The following NDUFAF2 variants were observed in gnomAD, a reference collection of about 807,000 sequenced individuals.
NDUFAF2 encodes NADH:ubiquinone oxidoreductase complex assembly factor 2.
NDUFAF2 carries 13 observed loss-of-function variants against 22.8 expected under a neutral mutation model. The ratio of observed to expected loss-of-function variants is 0.57; its 90% CI spans 0.37 to 0.91. The LOEUF is 0.91. Among genes scored for constraint, NDUFAF2 ranks in the 40% least tolerant of loss-of-function variants. NDUFAF2 has a pLI of 0.01. For missense variants in NDUFAF2, 162 were observed against 195.2 expected (o/e 0.83, Z 1.01); for synonymous variants, 53 against 64.2 (o/e 0.83, Z 0.84).
chr5:61,070,351 A>G (rs900006390), intron 1 of NDUFAF2, among the ~76,000 whole-genome samples: 1 of 152,116 alleles, frequency 6.6e-6, no homozygotes, highest in Non-Finnish European at 1.5e-5. Context: ...TCCATTCCCA[A>G]TTCATAAAAA....
intron 1 of NDUFAF2, among the ~76,000 whole-genome samples, chr5:60,991,460 C>G (rs2112585408): frequency 6.6e-6 from 1 of 152,226 alleles, no homozygotes. Flanking sequence ...ACCCTACTAC[C>G]CTTCCCAGCC....
At chr5:61,067,216 T>A (rs1380763642) in intron 1 of NDUFAF2, among the ~76,000 whole-genome samples, 1 of 152,064 alleles carries the variant, frequency 6.6e-6, no homozygotes, top group African/African-American at 2.4e-5. Context: ...CGTGCAGGTT[T>A]GTTACATATG....
intron 1 of NDUFAF2, among the ~76,000 whole-genome samples, chr5:61,026,038 G>C (rs1200755466): frequency 6.6e-6 from 1 of 152,036 alleles, no homozygotes; most frequent in Non-Finnish European, 1.5e-5. Flanking sequence ...AAATATATCT[G>C]AGATAGCACT....
Position 61,069,339 on chromosome 5 carries a change from C to T in NDUFAF2, c.128-3786C>T, listed in dbSNP as rs183773126. Among the ~76,000 whole-genome samples the T allele has an allele frequency of 2.0e-5, 3 of 152,266 alleles. No individual in the cohort carries two copies. The East Asian group carries it at 5.8e-4, about 29-fold the overall frequency. ...ATGCCCTGTAACACCATATGTGTGGCTGGGCCTGTCTCTACAACCCAGTGT... is the reference window on the plus strand; with the variant it reads ...ATGCCCTGTAACACCATATGTGTGGTTGGGCCTGTCTCTACAACCCAGTGT... On this transcript the variant is annotated intron_variant, in intron 1 of 3. Coordinates refer to ENST00000296597, the MANE Select transcript of NDUFAF2 (RefSeq NM_174889.5).
At chr5:60,993,134 C>T (rs1580084553) in intron 1 of NDUFAF2, among the ~76,000 whole-genome samples, 2 of 152,360 alleles carry the variant, frequency 1.3e-5, no homozygotes, top group East Asian at 3.9e-4. Flanking sequence ...CAGTCAGGCA[C>T]ACCAGCTGCT....
intron 1 of NDUFAF2, among the ~76,000 whole-genome samples, chr5:61,070,024 A>C (rs1365782877): frequency 6.6e-6 from 1 of 152,152 alleles, no homozygotes; most frequent in Non-Finnish European, 1.5e-5. Flanking sequence ...TTAGTATTAA[A>C]TAAAACAACT....
chr5:61,112,937 T>C (rs1315390845), intron 3 of NDUFAF2, among the ~76,000 whole-genome samples: 3 of 151,324 alleles, frequency 2.0e-5, no homozygotes, highest in South Asian at 2.1e-4. Flanking sequence ...GAGGTTACCA[T>C]GGAACTTGCA....
At chr5:61,027,610 A>G (rs1184397366) in intron 1 of NDUFAF2, among the ~76,000 whole-genome samples, 1 of 151,978 alleles carries the variant, frequency 6.6e-6, no homozygotes, top group East Asian at 1.9e-4. Flanking sequence ...TCACAGCATT[A>G]CTCAGGCATA....
At chr5:60,987,404 G>A (rs573986147) in intron 1 of NDUFAF2, among the ~76,000 whole-genome samples, 7 of 152,186 alleles carry the variant, frequency 4.6e-5, no homozygotes, top group African/African-American at 1.7e-4. Context: ...AATTGAGAAG[G>A]GATTTCTTCC....
chr5:61,043,501 A>G (rs1751908106), intron 1 of NDUFAF2, among the ~76,000 whole-genome samples: 1 of 152,042 alleles, frequency 6.6e-6, no homozygotes, highest in South Asian at 2.1e-4. Flanking sequence ...CCTCACCCAC[A>G]GTTTCTGGTA....
intron 3 of NDUFAF2, among the ~76,000 whole-genome samples, chr5:61,131,201 T>G (rs2111813305): frequency 6.8e-6 from 1 of 147,442 alleles, no homozygotes; most frequent in Non-Finnish European, 1.5e-5. Context: ...TTTTTTTTCT[T>G]TTTTTTTTTT....
chr5:61,091,090 ATGAACATTCAGGT>A lies in NDUFAF2; in HGVS notation c.218-7898_218-7886del, dbSNP rs1046434781. Among the ~76,000 whole-genome samples, 11 of 152,274 alleles carry A rather than the reference ATGAACATTCAGGT, an allele frequency of 7.2e-5. No individual in the cohort carries two copies. In the South Asian group the frequency reaches 1.5e-3, roughly 20 times the overall value. On this transcript the variant is annotated intron_variant, in intron 2 of 3. Transcript: ENST00000296597. Reference sequence around the variant, plus strand: ...ATTTTCTTTATCCAGTGTATCGCTGATGAACATTCAGGTTGATTCCATGTCTTTGCTATTGTGA... The same window carrying A: ...ATTTTCTTTATCCAGTGTATCGCTGATGATTCCATGTCTTTGCTATTGTGA...
chr5:61,072,632 T>G (rs1400007749), intron 1 of NDUFAF2, among the ~76,000 whole-genome samples: 1 of 152,210 alleles, frequency 6.6e-6, no homozygotes, highest in Admixed American at 6.5e-5. Context: ...AGTCTCACTC[T>G]GTAGCCCAAG....
At chr5:61,132,334 G>T (rs577767805) in intron 3 of NDUFAF2, among the ~76,000 whole-genome samples, 1 of 152,064 alleles carries the variant, frequency 6.6e-6, no homozygotes, top group Non-Finnish European at 1.5e-5. Context: ...TCTTTTGGTG[G>T]GTTCCTTCTT....
rs140725088 is a variant in NDUFAF2 at position 61,123,906 on chromosome 5, G to A, written c.258+24874G>A. Among the ~76,000 whole-genome samples the A allele has an allele frequency of 6.5e-3, 988 of 152,088 alleles. 9 individuals carry two copies. Among genetic ancestry groups the A allele is most frequent in the African/African-American group, 0.022 (921 of 41,518 alleles). On this transcript the variant is annotated intron_variant, in intron 3 of 3. Transcript: ENST00000296597. ...GAAATATGCCATATGATCTGACCCT[G>A]TTATTTTAGGTATTTTTTAAATAAA...
rs765241458 is a variant in NDUFAF2, at chr5:61,152,929, C to G, written c.484C>G (p.Arg162Gly). 1 of 1,613,746 alleles carries G rather than the reference C, an allele frequency of 6.2e-7. No individual in the cohort carries two copies. The highest frequency in any genetic ancestry group is 1.1e-5 in the South Asian group (1 of 91,038). The change falls in exon 4 of 4, where the codon CGA becomes GGA. Residue 162 changes from arginine to glycine, a missense_variant. By Grantham distance (125) the Arg-to-Gly change is moderately radical. This residue lies in a region of NDUFAF2 where 68 missense variants were observed against 110.0 expected (regional missense o/e 0.62). Transcript: ENST00000296597. ...KTFQPGSWMP[R>G]DGKSHNQ ...CTTTCAGCCAGGATCCTGGATGCCA[C>G]GAGATGGCAAGAGCCACAATCAATG...
chr5:61,084,228 A>T (rs1401727685), intron 2 of NDUFAF2, among the ~76,000 whole-genome samples: 1 of 88,428 alleles, frequency 1.1e-5, no homozygotes, highest in African/African-American at 3.4e-5. Context: ...TATTTTTATG[A>T]TTATTTTTTT....
intron 3 of NDUFAF2, among the ~76,000 whole-genome samples, chr5:61,129,346 T>A (rs1313808672): frequency 6.6e-6 from 1 of 152,164 alleles, no homozygotes; most frequent in Non-Finnish European, 1.5e-5. Context: ...TGGACATGTA[T>A]GTTTATTGCA....
intron 1 of NDUFAF2, among the ~76,000 whole-genome samples, chr5:61,029,332 A>G (rs1466015547): frequency 1.3e-5 from 2 of 152,160 alleles, no homozygotes; most frequent in African/African-American, 4.8e-5. Context: ...TTTGATTGCC[A>G]TGCGTGTTGA....
Sources: allele counts gnomAD v4.1 joint callset (sites outside exome capture counted in the v4.1 genomes callset), GRCh38; gene constraint gnomAD v4.1.1; regional missense constraint gnomAD v4.1.1; transcripts MANE v1.5; gene names NCBI Gene and HGNC (gene_info 2026-07-23, HGNC 2026-07-21).